The following TBC1D22A variants were observed in gnomAD, a reference collection of about 807,000 sequenced individuals.
TBC1D22A encodes the protein putative GTPase activator.
TBC1D22A carries 38 observed loss-of-function variants against 60.2 expected under a neutral mutation model. The observed-to-expected ratio is 0.63, with a 90% CI of 0.49 to 0.83. The LOEUF (loss-of-function observed/expected upper bound fraction) is 0.83, where lower values mean the gene tolerates loss of function less well. Among genes scored for constraint, TBC1D22A ranks in the 40% least tolerant of loss-of-function variants. The pLI is 0.00. For missense variants in TBC1D22A, 628 were observed against 701.0 expected, an observed-to-expected ratio of 0.90 and a Z score of 1.18; for synonymous variants, 302 against 281.7, an observed-to-expected ratio of 1.07 and a Z score of -0.72.
At chr22:46,913,465 G>GC (rs144931057) in intron 8 of TBC1D22A, 58,055 of 1,348,510 alleles carry the variant, frequency 0.043, 3,175 homozygotes, top group African/African-American at 0.25. Flanking sequence ...TTTTACTGCA[G>GC]CCCTCTGACA....
At chr22:46,796,337 G>C (rs1395410556) in intron 3 of TBC1D22A, among the ~76,000 whole-genome samples, 1 of 152,166 alleles carries the variant, frequency 6.6e-6, no homozygotes, top group Admixed American at 6.5e-5. Flanking sequence ...CCACTCCCAG[G>C]TTATAAGGGA....
rs2068578065 is a variant in TBC1D22A at position 47,173,634 on chromosome 22, C to T, written c.*8C>T. The T allele has an allele frequency of 1.2e-6, 2 of 1,613,268 alleles. No homozygotes were observed. Among genetic ancestry groups the T allele is most frequent in the South Asian group, 2.2e-5 (2 of 91,080 alleles). On this transcript the variant is annotated 3_prime_UTR_variant, in exon 13 of 13. Coordinates refer to ENST00000337137, the MANE Select transcript of TBC1D22A (RefSeq NM_014346.5). The stretch of plus-strand genomic sequence containing the variant: ...AATCACTACAAGAAATGAGCCCAGG[C>T]CCACCCGCAGCTGGCCTCACTGTCC...
At chr22:46,891,035 G>A (rs959731897) in intron 5 of TBC1D22A, among the ~76,000 whole-genome samples, 5 of 152,290 alleles carry the variant, frequency 3.3e-5, no homozygotes, top group Admixed American at 2.6e-4. Flanking sequence ...GGCTGCGGAC[G>A]CAAGCCCAGG....
intron 11 of TBC1D22A, among the ~76,000 whole-genome samples, chr22:47,042,677 A>G (rs1276204571): frequency 6.6e-6 from 1 of 152,124 alleles, no homozygotes; most frequent in African/African-American, 2.4e-5. Context: ...TTGAATGCCA[A>G]CTGCCTGATG....
chr22:46,859,275 T>A (rs1156736555), intron 4 of TBC1D22A, among the ~76,000 whole-genome samples: 12 of 12,952 alleles, frequency 9.3e-4, no homozygotes, highest in East Asian at 5.5e-3. Context: ...AATCCTTTTT[T>A]GATAGAGGTC....
intron 4 of TBC1D22A, among the ~76,000 whole-genome samples, chr22:46,836,801 A>G (rs2086541982): frequency 6.6e-6 from 1 of 152,212 alleles, no homozygotes; most frequent in Non-Finnish European, 1.5e-5. Context: ...TCCCACACCA[A>G]TGATAACAAA....
chr22:46,920,984 T>A (rs2070724901), intron 8 of TBC1D22A, among the ~76,000 whole-genome samples: 1 of 152,102 alleles, frequency 6.6e-6, no homozygotes, highest in African/African-American at 2.4e-5. Context: ...TTGGCCAGGC[T>A]GGTCTCGAAC....
chr22:47,037,107 G>T lies in TBC1D22A; in HGVS notation c.1238G>T (p.Arg413Ile). Residue 413 changes from arginine to isoleucine, a missense_variant, in exon 11 of 13, where the codon AGA (arginine) becomes ATA (isoleucine). Arg to Ile is a moderately conservative substitution (Grantham distance 97). Coordinates refer to ENST00000337137, the MANE Select transcript of TBC1D22A (RefSeq NM_014346.5). ...VHRHLDQHEVRYLQFAFRWMN... is the reference protein window; with the variant it reads ...VHRHLDQHEVIYLQFAFRWMN... Reference sequence around the variant, plus strand: ...CGGCACCTGGACCAACACGAAGTGAGATACCTGCAGTTTGCCTTCCGCTGG... The same window carrying T: ...CGGCACCTGGACCAACACGAAGTGATATACCTGCAGTTTGCCTTCCGCTGG... 6.2e-7 allele frequency: 1 copy of T among 1,613,996 alleles called. No individual in the cohort carries two copies. The highest frequency in any genetic ancestry group is 8.5e-7 in the Non-Finnish European group (1 of 1,179,892).
In TBC1D22A at chr22:46,767,194, G is replaced by A. The variant is rs2083318502; in HGVS notation, c.62+4346G>A. 2.0e-5 allele frequency among the ~76,000 whole-genome samples: 3 copies of A among 152,170 alleles called. No individual in the cohort carries two copies. The South Asian group carries it at 6.2e-4, about 31-fold the overall frequency. ...GTTTCTGGATGAGCCAGGATGTGTG[G>A]TGTGGTAGATAGACCCTCCTAGTCA... On this transcript the variant is annotated intron_variant, in intron 1 of 12. Coordinates refer to ENST00000337137, the MANE Select transcript of TBC1D22A (RefSeq NM_014346.5).
chr22:47,155,419 A>G (rs895975473), intron 12 of TBC1D22A, among the ~76,000 whole-genome samples: 1 of 151,930 alleles, frequency 6.6e-6, no homozygotes, highest in Non-Finnish European at 1.5e-5. Flanking sequence ...ACGTCACAAG[A>G]TTTTCAAACT....
At chr22:46,904,774 ATTT>A (rs777988768) in intron 7 of TBC1D22A, among the ~76,000 whole-genome samples, 1 of 136,356 alleles carries the variant, frequency 7.3e-6, no homozygotes, top group Non-Finnish European at 1.6e-5. Flanking sequence ...GGCCGAGAAA[ATTT>A]TTTTTTTTTT....
rs2069967818 is a variant in TBC1D22A at position 46,912,058 on chromosome 22, T to C, written c.901-16T>C. On this transcript the variant is annotated splice_polypyrimidine_tract_variant and intron_variant, in intron 7 of 12. Coordinates refer to ENST00000337137, the MANE Select transcript of TBC1D22A (RefSeq NM_014346.5). The stretch of plus-strand genomic sequence containing the variant: ...TGTTTACTTTTTGCTTTACCACCTG[T>C]TCCATTTTCTTTCAGATTTTTGAAA... 1.9e-6 allele frequency: 3 copies of C among 1,596,530 alleles called. No individual in the cohort carries two copies. Among genetic ancestry groups the C allele is most frequent in the Non-Finnish European group, 2.6e-6 (3 of 1,167,410 alleles).
At chr22:47,131,025 C>T (rs997047610) in intron 12 of TBC1D22A, among the ~76,000 whole-genome samples, 4 of 152,126 alleles carry the variant, frequency 2.6e-5, no homozygotes, top group Non-Finnish European at 2.9e-5. Context: ...TGTCACGTGG[C>T]GAGAGAGGGA....
At chr22:47,139,180 T>C (rs1319125696) in intron 12 of TBC1D22A, among the ~76,000 whole-genome samples, 1 of 152,212 alleles carries the variant, frequency 6.6e-6, no homozygotes, top group Non-Finnish European at 1.5e-5. Context: ...GTTTATGTGC[T>C]TCAGTCACCG....
chr22:46,822,418 GT>G (rs1261594784), intron 4 of TBC1D22A, among the ~76,000 whole-genome samples: 9 of 151,814 alleles, frequency 5.9e-5, no homozygotes, highest in Non-Finnish European at 2.9e-5. Flanking sequence ...CTTAGTTGGG[GT>G]TTTTTTTGGG....
chr22:46,853,393 C>T (rs994705376), intron 4 of TBC1D22A, among the ~76,000 whole-genome samples: 8 of 152,176 alleles, frequency 5.3e-5, no homozygotes, highest in Admixed American at 2.0e-4. Flanking sequence ...GAAGGATGGG[C>T]GCAGGAAATC....
intron 4 of TBC1D22A, among the ~76,000 whole-genome samples, chr22:46,821,514 GT>G (rs752845866): frequency 2.0e-5 from 3 of 152,156 alleles, no homozygotes; most frequent in Non-Finnish European, 4.4e-5. Context: ...ATGAAGCTTA[GT>G]TTGGCTGGAT....
At chr22:46,864,103 C>T (rs1218616896) in intron 4 of TBC1D22A, among the ~76,000 whole-genome samples, 1 of 152,224 alleles carries the variant, frequency 6.6e-6, no homozygotes, top group Non-Finnish European at 1.5e-5. Context: ...GTGCATATTC[C>T]TTCCTATTTG....
At chr22:46,908,342 C>T (rs1458249138) in intron 7 of TBC1D22A, among the ~76,000 whole-genome samples, 1 of 152,154 alleles carries the variant, frequency 6.6e-6, no homozygotes, top group East Asian at 1.9e-4. Context: ...GGGCGGACCT[C>T]AGGAGCAGTG....
Sources: gnomAD v4.1 joint callset for allele counts (sites outside exome capture counted in the v4.1 genomes callset) on GRCh38, gnomAD v4.1.1 for gene constraint, MANE v1.5 for transcripts, NCBI Gene and HGNC (gene_info 2026-07-23, HGNC 2026-07-21) for gene names.